RNF144A: variants seen among roughly 807,000 people sequenced by gnomAD.
RNF144A encodes the protein ring finger protein 144A.
Under a neutral mutation model 38.7 loss-of-function variants are expected in RNF144A, and 11 were observed. The ratio of observed to expected loss-of-function variants is 0.28; its 90% CI spans 0.18 to 0.47. RNF144A has a LOEUF of 0.47. Ranked by LOEUF, RNF144A falls within the 20% of genes least tolerant of loss-of-function variation. The probability of loss-of-function intolerance (pLI) is 0.99; values close to 1 mark genes in which losing one functional copy is unlikely to be tolerated. For synonymous variants in RNF144A, 149 were observed against 143.9 expected, an observed-to-expected ratio of 1.04 and a Z score of -0.25; for missense variants, 316 against 377.2, an observed-to-expected ratio of 0.84 and a Z score of 1.34.
intron 2 of RNF144A, among the ~76,000 whole-genome samples, chr2:6,955,131 T>A (rs79263341): frequency 6.6e-6 from 1 of 152,180 alleles, no homozygotes; most frequent in Non-Finnish European, 1.5e-5. Flanking sequence ...CTTTTGATTG[T>A]TTTACTCTAA....
intron 6 of RNF144A, among the ~76,000 whole-genome samples, chr2:7,067,785 A>T (rs573407833): frequency 6.6e-6 from 1 of 152,300 alleles, no homozygotes; most frequent in East Asian, 1.9e-4. Context: ...CTACCTGTGT[A>T]CTTCCTTGTA....
intron 7 of RNF144A, among the ~76,000 whole-genome samples, chr2:7,027,178 C>G (rs1176018195): frequency 1.3e-5 from 2 of 152,204 alleles, no homozygotes; most frequent in East Asian, 1.9e-4. Context: ...CGCCTCCTCC[C>G]CATCGTGGTC....
intron 2 of RNF144A, among the ~76,000 whole-genome samples, chr2:6,977,142 A>G (rs761103366): frequency 6.6e-6 from 1 of 152,248 alleles, no homozygotes; most frequent in Non-Finnish European, 1.5e-5. Flanking sequence ...TGCTTTCTCT[A>G]AGACTATAAC....
rs1673194454 is a variant in RNF144A at position 7,043,894 on chromosome 2, A to G, written c.*4134A>G. Reference sequence around the variant, plus strand: ...ATGCATGAATGAGTCATGCACATGTATACGTTATGTATTTGACAAGTGGTG... The same window carrying G: ...ATGCATGAATGAGTCATGCACATGTGTACGTTATGTATTTGACAAGTGGTG... On this transcript the variant is annotated 3_prime_UTR_variant, in exon 9 of 9. Transcript: ENST00000320892. The G allele has an allele frequency of 2.0e-6, 2 of 985,810 alleles. No individual in the cohort carries two copies. The allele number at this position is 985,810 out of a possible 1,614,324, so 61.1% of individuals were successfully genotyped here.
At chr2:7,061,597 G>A (rs995890419) in intron 6 of RNF144A, among the ~76,000 whole-genome samples, 1 of 152,064 alleles carries the variant, frequency 6.6e-6, no homozygotes, top group African/African-American at 2.4e-5. Context: ...ATCACAAGCA[G>A]CCAGCTTAAA....
chr2:7,041,879 A>G lies in RNF144A; in HGVS notation c.*2119A>G. On this transcript the variant is annotated 3_prime_UTR_variant, in exon 9 of 9. Transcript: ENST00000320892. The stretch of plus-strand genomic sequence containing the variant: ...CCAGGGCTAGAGCTCAGATGACCTT[A>G]TTTCTAGAGGGACAGGCTGTTCTGT... 1 of 985,390 alleles carries G rather than the reference A, an allele frequency of 1.0e-6. No individual in the cohort carries two copies. The highest frequency in any genetic ancestry group is 1.2e-6 in the Non-Finnish European group (1 of 829,970). The allele number at this position is 985,390 out of a possible 1,614,324, so 61.0% of individuals were successfully genotyped here.
chr2:7,031,336 G>A (rs1009756210), intron 8 of RNF144A, among the ~76,000 whole-genome samples: 4 of 151,196 alleles, frequency 2.6e-5, no homozygotes, highest in Admixed American at 1.3e-4. Flanking sequence ...TGAGACAGAT[G>A]TGTCCTTCTA....
chr2:6,955,694 C>G (rs1241650670), intron 2 of RNF144A, among the ~76,000 whole-genome samples: 1 of 152,146 alleles, frequency 6.6e-6, no homozygotes, highest in African/African-American at 2.4e-5. Flanking sequence ...ATCCTAGCAC[C>G]GTGCCTGCTC....
At chr2:6,939,893 C>T (rs1444711448) in intron 1 of RNF144A, among the ~76,000 whole-genome samples, 2 of 152,096 alleles carry the variant, frequency 1.3e-5, no homozygotes, top group Non-Finnish European at 2.9e-5. Flanking sequence ...TGGACTGTCA[C>T]TTCTAATCTA....
intron 1 of RNF144A, among the ~76,000 whole-genome samples, chr2:6,920,748 T>C (rs761372595): frequency 6.8e-4 from 103 of 152,352 alleles, no homozygotes; most frequent in Non-Finnish European, 1.3e-3. Flanking sequence ...TAGCCTCCTT[T>C]CTCCGTTGTT....
At chr2:6,975,812 C>T (rs1668274783) in intron 2 of RNF144A, among the ~76,000 whole-genome samples, 1 of 152,168 alleles carries the variant, frequency 6.6e-6, no homozygotes, top group African/African-American at 2.4e-5. Context: ...GGTGACAGAG[C>T]GAGACCCTGT....
At chr2:7,020,247 T>A (rs146137196) in intron 5 of RNF144A, among the ~76,000 whole-genome samples, 55 of 152,114 alleles carry the variant, frequency 3.6e-4, no homozygotes, top group African/African-American at 1.3e-3. Flanking sequence ...CTGAGGGATG[T>A]CTGGGTGTCT....
At chr2:7,034,210 T>TG (rs1159226477) in intron 8 of RNF144A, among the ~76,000 whole-genome samples, 1 of 151,606 alleles carries the variant, frequency 6.6e-6, no homozygotes, top group Non-Finnish European at 1.5e-5. Flanking sequence ...AGGCAGAAGT[T>TG]GCAGTGATCC....
intron 2 of RNF144A, among the ~76,000 whole-genome samples, chr2:6,953,438 T>A (rs918466569): frequency 2.6e-5 from 4 of 152,044 alleles, no homozygotes; most frequent in African/African-American, 9.7e-5. Context: ...TCAAAAAAAA[T>A]TTTCTTCTCA....
intron 6 of RNF144A, among the ~76,000 whole-genome samples, chr2:7,064,448 G>C (rs57420744): frequency 0.095 from 14,501 of 152,194 alleles, 1,338 homozygotes; most frequent in East Asian, 0.43. Context: ...TGGAGTGAGG[G>C]GGCTTCAGGA....
chr2:6,959,538 C>G (rs536426161), intron 2 of RNF144A, among the ~76,000 whole-genome samples: 1 of 152,076 alleles, frequency 6.6e-6, no homozygotes, highest in Admixed American at 6.6e-5. Context: ...CTGGGAAGTC[C>G]GGGATCAGGT....
At chr2:6,948,266 C>T (rs1666465695) in intron 2 of RNF144A, among the ~76,000 whole-genome samples, 1 of 152,180 alleles carries the variant, frequency 6.6e-6, no homozygotes, top group African/African-American at 2.4e-5. Context: ...TCTTCTGTCA[C>T]AGCACAGAGA....
chr2:7,011,058 A>G (rs1226713551), intron 3 of RNF144A, among the ~76,000 whole-genome samples: 2 of 152,026 alleles, frequency 1.3e-5, no homozygotes, highest in Non-Finnish European at 2.9e-5. Flanking sequence ...AGTACATACA[A>G]TTCCTTGTTC....
At chr2:6,930,570 TAC>T (rs1665143265) in intron 1 of RNF144A, among the ~76,000 whole-genome samples, 1 of 152,026 alleles carries the variant, frequency 6.6e-6, no homozygotes, top group Admixed American at 6.5e-5. Context: ...TATCTGTATA[TAC>T]ATACATACGT....
Sources: allele counts gnomAD v4.1 joint callset (sites outside exome capture counted in the v4.1 genomes callset), GRCh38; gene constraint gnomAD v4.1.1; transcripts MANE v1.5; gene names NCBI Gene and HGNC (gene_info 2026-07-23, HGNC 2026-07-21).